The following DMD variants were observed in gnomAD, a reference collection of about 807,000 sequenced individuals.
The protein encoded by DMD is dystrophin.
In DMD, 63 loss-of-function variants were observed where a neutral mutation model predicts 330.1. The ratio of observed to expected loss-of-function variants is 0.19; its 90% CI spans 0.16 to 0.24. The LOEUF (loss-of-function observed/expected upper bound fraction) is 0.24. Among genes scored for constraint, DMD ranks in the 10% least tolerant of loss-of-function variants. The pLI is 1.00. For synonymous variants in DMD, 1,223 were observed against 959.8 expected, an observed-to-expected ratio of 1.27 and a Z score of -5.07; for missense variants, 3,344 against 2,684.1, an observed-to-expected ratio of 1.25 and a Z score of -5.43.
At chrX:32,996,291 A>T (rs193046764) in intron 2 of DMD, among the ~76,000 whole-genome samples, 2 of 112,080 alleles carry the variant, frequency 1.8e-5, no homozygotes, top group East Asian at 5.6e-4. Context: ...ATGTTCAATC[A>T]AAGGTGGATG....
At chrX:31,135,779 T>G (rs1011875879) in intron 76 of DMD, among the ~76,000 whole-genome samples, 2 of 112,574 alleles carry the variant, frequency 1.8e-5, no homozygotes, top group Admixed American at 1.9e-4. Flanking sequence ...TAACTTCTAT[T>G]CAAGCTCTGT....
At chrX:32,522,164 C>G (rs1237943583) in intron 17 of DMD, among the ~76,000 whole-genome samples, 1 of 111,922 alleles carries the variant, frequency 8.9e-6, no homozygotes, top group Non-Finnish European at 1.9e-5. Flanking sequence ...TAATGTATTG[C>G]AAAGTCTAAT....
chrX:32,965,242 A>C (rs1057087137), intron 2 of DMD, among the ~76,000 whole-genome samples: 1 of 111,664 alleles, frequency 9.0e-6, no homozygotes, highest in African/African-American at 3.3e-5. Context: ...CTGTAATCTC[A>C]GCACTTTGAG....
At chrX:31,421,965 A>ATATATATG (rs1342660798) in intron 60 of DMD, among the ~76,000 whole-genome samples, 1 of 71,779 alleles carries the variant, frequency 1.4e-5, no homozygotes, top group African/African-American at 8.2e-5. Context: ...ATATACACAT[A>ATATATATG]TATATATACA....
intron 54 of DMD, among the ~76,000 whole-genome samples, chrX:31,653,501 T>C (rs1028866638): frequency 1.8e-5 from 2 of 110,409 alleles, no homozygotes; most frequent in Admixed American, 1.9e-4. Context: ...CCATCTCCTC[T>C]GCTTGATGAG....
chrX:31,634,433 T>C (rs939103511), intron 54 of DMD, among the ~76,000 whole-genome samples: 2 of 111,573 alleles, frequency 1.8e-5, no homozygotes, highest in Admixed American at 9.6e-5. Context: ...CACCACAGGA[T>C]GACTTTTTAA....
intron 48 of DMD, among the ~76,000 whole-genome samples, chrX:31,852,474 G>A (rs1017639179): frequency 1.8e-5 from 2 of 111,771 alleles, no homozygotes; most frequent in Non-Finnish European, 3.8e-5. Flanking sequence ...AGTCCTTACT[G>A]GTGAAGAGTA....
At chrX:32,519,875 G>A (rs180906345) in intron 17 of DMD, among the ~76,000 whole-genome samples, 42 of 111,794 alleles carry the variant, frequency 3.8e-4, no homozygotes, top group African/African-American at 1.2e-3. Flanking sequence ...AAACATATTC[G>A]CATTTTATAT....
intron 1 of DMD, chrX:33,085,823 A>C (rs2094997030): frequency 8.9e-6 from 1 of 112,030 alleles, no homozygotes; most frequent in Non-Finnish European, 1.9e-5. Context: ...ATTCGCATAG[A>C]AACAACCATA....
At chrX:32,951,519 A>G (rs2091246486) in intron 2 of DMD, among the ~76,000 whole-genome samples, 2 of 111,318 alleles carry the variant, frequency 1.8e-5, no homozygotes, top group African/African-American at 6.5e-5. Flanking sequence ...ATTACCTTAA[A>G]CTGATCGAAA....
At chrX:32,847,313 G>A (rs1210092259) in intron 3 of DMD, among the ~76,000 whole-genome samples, 2 of 111,888 alleles carry the variant, frequency 1.8e-5, no homozygotes, top group African/African-American at 6.5e-5. Flanking sequence ...TTCTGATCCT[G>A]AAGTGGGAAC....
intron 2 of DMD, among the ~76,000 whole-genome samples, chrX:32,901,140 ATAAT>A (rs1018662092): frequency 2.7e-5 from 3 of 111,853 alleles, no homozygotes; most frequent in African/African-American, 6.5e-5. Context: ...TATATTTAAA[ATAAT>A]TAAGTCAGAG....
At chrX:31,822,747 G>A (rs752981333) in intron 49 of DMD, among the ~76,000 whole-genome samples, 6 of 102,152 alleles carry the variant, frequency 5.9e-5, no homozygotes, top group Non-Finnish European at 9.8e-5. Context: ...GGTAAACGAC[G>A]AAGAGAAACT....
intron 44 of DMD, among the ~76,000 whole-genome samples, chrX:32,207,447 A>G (rs2097074888): frequency 2.7e-5 from 3 of 111,832 alleles, no homozygotes; most frequent in African/African-American, 9.7e-5. Flanking sequence ...ATTACAAATT[A>G]TTACCTAGTC....
intron 44 of DMD, among the ~76,000 whole-genome samples, chrX:32,173,230 T>C (rs1474711796): frequency 9.1e-6 from 1 of 109,638 alleles, no homozygotes; most frequent in Non-Finnish European, 1.9e-5. Flanking sequence ...ATGAGTACAG[T>C]AGTATCCCAA....
intron 9 of DMD, among the ~76,000 whole-genome samples, chrX:32,654,999 C>T (rs1020710583): frequency 1.8e-5 from 2 of 111,447 alleles, no homozygotes; most frequent in African/African-American, 6.5e-5. Context: ...GTGATATCCC[C>T]TTTATTATTT....
intron 44 of DMD, among the ~76,000 whole-genome samples, chrX:32,165,822 G>C (rs1165557259): frequency 9.0e-6 from 1 of 110,904 alleles, no homozygotes; most frequent in Non-Finnish European, 1.9e-5. Flanking sequence ...TGAATCATGG[G>C]GTTGGCTTCC....
intron 47 of DMD, among the ~76,000 whole-genome samples, chrX:31,906,017 C>G (rs1315723957): frequency 8.9e-6 from 1 of 111,875 alleles, no homozygotes; most frequent in African/African-American, 3.2e-5. Context: ...TCATCTTAAG[C>G]TGTTGTTCCC....
rs183754205 is a variant in DMD at position 32,679,218 on chromosome X, T to C, written c.960+18652A>G. Among the ~76,000 whole-genome samples the C allele has an allele frequency of 6.5e-3, 732 of 112,042 alleles. 1 individual carries two copies. Among genetic ancestry groups the C allele is most frequent in the Non-Finnish European group, 0.01 (539 of 53,195 alleles). Reference sequence around the variant, plus strand: ...CAGTTATATGTTTTGCTTCATGATATGGTATAATTGGAGTTATTCCACAGG... The same window carrying C: ...CAGTTATATGTTTTGCTTCATGATACGGTATAATTGGAGTTATTCCACAGG... On this transcript the variant is annotated intron_variant, in intron 9 of 78. Transcript: ENST00000357033.
Sources: allele counts gnomAD v4.1 joint callset (sites outside exome capture counted in the v4.1 genomes callset), GRCh38; gene constraint gnomAD v4.1.1; transcripts MANE v1.5; gene names NCBI Gene and HGNC (gene_info 2026-07-23, HGNC 2026-07-21).